The following PIK3C2G variants were observed in gnomAD, a reference collection of about 807,000 sequenced individuals.
PIK3C2G encodes the protein phosphatidylinositol-4-phosphate 3-kinase catalytic subunit type 2 gamma, also known as phosphatidylinositol 3-kinase C2 domain-containing subunit gamma.
In PIK3C2G, 168 loss-of-function variants were observed where a neutral mutation model predicts 181.1. The ratio of observed to expected loss-of-function variants is 0.93; its 90% CI spans 0.82 to 1.05. The LOEUF (loss-of-function observed/expected upper bound fraction) is 1.05, where lower values mean the gene tolerates loss of function less well. PIK3C2G is among the 50% of genes least tolerant of loss of function. PIK3C2G has a pLI of 0.00. For synonymous variants in PIK3C2G, 573 were observed against 592.2 expected (o/e 0.97, Z 0.47); for missense variants, 1,869 against 1,732.8 (o/e 1.08, Z -1.40).
At chr12:18,557,130 G>T (rs1592574271) in intron 26 of PIK3C2G, among the ~76,000 whole-genome samples, 1 of 152,072 alleles carries the variant, frequency 6.6e-6, no homozygotes, top group African/African-American at 2.4e-5. Context: ...ACTCAGAATA[G>T]ATCCAAGCTT....
At chr12:18,395,787 T>C (rs780134311) in intron 15 of PIK3C2G, among the ~76,000 whole-genome samples, 47 of 151,434 alleles carry the variant, frequency 3.1e-4, no homozygotes, top group Non-Finnish European at 5.9e-4. Flanking sequence ...TAAGGATGCA[T>C]AATGTTAATT....
At chr12:18,360,892 T>C (rs1941176971) in intron 11 of PIK3C2G, among the ~76,000 whole-genome samples, 1 of 152,180 alleles carries the variant, frequency 6.6e-6, no homozygotes. Context: ...GTTTCCTGAA[T>C]CTGGATGTTC....
At chr12:18,389,429 G>GACAAAC (rs1943395933) in intron 14 of PIK3C2G, among the ~76,000 whole-genome samples, 1 of 151,936 alleles carries the variant, frequency 6.6e-6, no homozygotes, top group South Asian at 2.1e-4. Context: ...GAACAGAGCT[G>GACAAAC]AGTGTTTGTC....
intron 30 of PIK3C2G, chr12:18,607,074 A>T: frequency 2.4e-6 from 1 of 421,866 alleles, no homozygotes; most frequent in Non-Finnish European, 4.7e-6. Flanking sequence ...ACTGAGACAT[A>T]TAAAATAATT....
chr12:18,665,609 A>G, the PIK3C2G span, among the ~76,000 whole-genome samples: 34 of 152,270 alleles, frequency 2.2e-4, no homozygotes, highest in African/African-American at 1.2e-4. Flanking sequence ...CCTGACCAAC[A>G]TAGTGAAACC....
At chr12:18,531,337 A>C (rs1007086168) in intron 24 of PIK3C2G, among the ~76,000 whole-genome samples, 2 of 152,196 alleles carry the variant, frequency 1.3e-5, no homozygotes, top group Non-Finnish European at 2.9e-5. Context: ...TTGAAGATTC[A>C]TATGCAGTTG....
At chr12:18,384,457 T>C (rs1245389466) in intron 14 of PIK3C2G, among the ~76,000 whole-genome samples, 1 of 152,108 alleles carries the variant, frequency 6.6e-6, no homozygotes, top group Non-Finnish European at 1.5e-5. Context: ...GACAAATGTA[T>C]TTTCTATCAA....
At chr12:18,473,429 C>G (rs148571031) in intron 18 of PIK3C2G, among the ~76,000 whole-genome samples, 1 of 152,288 alleles carries the variant, frequency 6.6e-6, no homozygotes, top group Non-Finnish European at 1.5e-5. Context: ...CTGGACCAGT[C>G]TGTAGACCTT....
chr12:18,550,592 CATAG>C (rs1278494257), intron 26 of PIK3C2G, among the ~76,000 whole-genome samples: 5 of 151,846 alleles, frequency 3.3e-5, no homozygotes, highest in Middle Eastern at 3.2e-3. Flanking sequence ...GGCATTAATT[CATAG>C]ATAGATAATT....
intron 13 of PIK3C2G, among the ~76,000 whole-genome samples, chr12:18,380,856 T>A (rs1170213848): frequency 6.6e-6 from 1 of 152,220 alleles, no homozygotes. Flanking sequence ...TTGCATAAGA[T>A]CTGTTAAATG....
the PIK3C2G span, chr12:18,699,787 A>G: frequency 1.9e-6 from 3 of 1,612,408 alleles, no homozygotes; most frequent in African/African-American, 2.7e-5. Flanking sequence ...GAGTCACAAA[A>G]ATTTACCTCG....
chr12:18,303,173 CTCTT>C (rs1480322659), intron 5 of PIK3C2G, among the ~76,000 whole-genome samples: 68 of 118,262 alleles, frequency 5.7e-4, no homozygotes, highest in African/African-American at 2.2e-3. Context: ...TTCTTTCTTT[CTCTT>C]TCTCTCTCTT....
intron 22 of PIK3C2G, among the ~76,000 whole-genome samples, chr12:18,499,052 T>C (rs754477956): frequency 2.0e-5 from 3 of 152,230 alleles, no homozygotes; most frequent in Non-Finnish European, 2.9e-5. Flanking sequence ...CTGATCCCAG[T>C]GGAATTTTTA....
chr12:18,262,410 T>A (rs1024197950), intron 1 of PIK3C2G, among the ~76,000 whole-genome samples: 2 of 152,078 alleles, frequency 1.3e-5, no homozygotes, highest in South Asian at 4.1e-4. Context: ...AAAGAACACA[T>A]ACCCCTCATG....
At chr12:18,525,591 G>C (rs1943179338) in intron 24 of PIK3C2G, among the ~76,000 whole-genome samples, 1 of 152,056 alleles carries the variant, frequency 6.6e-6, no homozygotes. Flanking sequence ...GGCCCATACT[G>C]TTTTGCGAGA....
At chr12:18,699,842 T>G in the PIK3C2G span, 1 of 1,613,546 alleles carries the variant, frequency 6.2e-7, no homozygotes. Flanking sequence ...ATAGAATTAT[T>G]TTCATTAAAT....
intron 3 of PIK3C2G, among the ~76,000 whole-genome samples, chr12:18,288,731 A>G (rs1328436381): frequency 6.6e-6 from 1 of 152,188 alleles, no homozygotes; most frequent in East Asian, 1.9e-4. Context: ...CTCTCTTCAT[A>G]CTTTAAGATA....
chr12:18,362,682 G>C lies in PIK3C2G; in HGVS notation c.1626-82G>C, dbSNP rs2137804535. 3.0e-6 allele frequency: 3 copies of C among 1,009,086 alleles called. No homozygotes were observed. The East Asian group carries it at 8.7e-5, about 29-fold the overall frequency. 62.5% of individuals were successfully genotyped at this position (1,009,086 alleles called of 1,614,324 possible). A position where few individuals can be genotyped will look rare whatever the true frequency, so the allele number is the denominator to read the frequency against. On this transcript the variant is annotated intron_variant, in intron 11 of 32. Coordinates refer to ENST00000538779, the MANE Select transcript of PIK3C2G (RefSeq NM_001288772.2). ...GTCATCACTTTATCATTTGACTTTT[G>C]ACTACAAAAATAATTGACCCATATA... is the stretch of plus-strand genomic sequence containing the variant.
At chr12:18,303,104 T>TTC (rs111372124) in intron 5 of PIK3C2G, among the ~76,000 whole-genome samples, 3 of 88,940 alleles carry the variant, frequency 3.4e-5, no homozygotes, top group Non-Finnish European at 7.9e-5. Flanking sequence ...TTCTTTCTCT[T>TTC]TCTTTCTTTC....
Sources: allele counts gnomAD v4.1 joint callset (sites outside exome capture counted in the v4.1 genomes callset), GRCh38; gene constraint gnomAD v4.1.1; transcripts MANE v1.5; gene names NCBI Gene and HGNC (gene_info 2026-07-23, HGNC 2026-07-21).